Variants in DLEC1 observed in about 807,000 individuals in gnomAD.
DLEC1 encodes deleted in lung and esophageal cancer protein 1.
DLEC1 carries 146 observed loss-of-function variants against 198.1 expected under a neutral mutation model. The ratio of observed to expected loss-of-function variants is 0.74; its 90% CI spans 0.64 to 0.85. DLEC1 has a LOEUF of 0.85. DLEC1 is among the 40% of genes least tolerant of loss of function. The probability of loss-of-function intolerance (pLI) is 0.00; values close to 1 mark genes in which losing one functional copy is unlikely to be tolerated. For missense variants in DLEC1, 2,233 were observed against 2,220.0 expected, an observed-to-expected ratio of 1.01 and a Z score of -0.12; for synonymous variants, 897 against 866.8, an observed-to-expected ratio of 1.03 and a Z score of -0.61.
At position 38,062,200 on chromosome 3, in the gene DLEC1, A is replaced by G. The variant is rs1277374923; in HGVS notation, c.705A>G (p.Thr235=). The G allele has an allele frequency of 6.2e-7, 1 of 1,614,238 alleles. No individual in the cohort carries two copies. Residue 235 remains threonine, a synonymous_variant, in exon 4 of 37, where the codon ACA becomes ACG. Coordinates refer to ENST00000308059, the MANE Select transcript of DLEC1 (RefSeq NM_007335.4). Reference sequence around the variant, plus strand: ...CCCTACCTGGATGTTCAAAACTGACATTTAGCTGTGAGAAGCGTTCCGTCC... The same window carrying G: ...CCCTACCTGGATGTTCAAAACTGACGTTTAGCTGTGAGAAGCGTTCCGTCC... ...GISLPGCSKL[T]FSCEKRSVQK...
chr3:38,122,847 T>G lies in DLEC1; in HGVS notation c.*435T>G. 1.3e-6 allele frequency: 1 copy of G among 799,376 alleles called. No individual in the cohort carries two copies. Among genetic ancestry groups the G allele is most frequent in the Non-Finnish European group, 1.9e-6 (1 of 519,634 alleles). 49.5% of individuals were successfully genotyped at this position (799,376 alleles called of 1,614,324 possible). A position where few individuals can be genotyped will look rare whatever the true frequency, so the allele number is the denominator to read the frequency against. On this transcript the variant is annotated 3_prime_UTR_variant, in exon 37 of 37. Coordinates refer to ENST00000308059, the MANE Select transcript of DLEC1 (RefSeq NM_007335.4). Reference sequence around the variant, plus strand: ...TCTTGCACAGCTAAAGAGGGTCTGATGGGTGGCTCAACACCCCACCCACTC... The same window carrying G: ...TCTTGCACAGCTAAAGAGGGTCTGAGGGGTGGCTCAACACCCCACCCACTC...
chr3:38,070,693 G>A (rs920517521), intron 6 of DLEC1, among the ~76,000 whole-genome samples: 2 of 152,204 alleles, frequency 1.3e-5, no homozygotes, highest in Non-Finnish European at 2.9e-5. Context: ...GCAGGAGTGG[G>A]AGTCGCAAGG....
intron 2 of DLEC1, among the ~76,000 whole-genome samples, chr3:38,046,943 G>A (rs908134962): frequency 6.6e-6 from 1 of 152,142 alleles, no homozygotes; most frequent in African/African-American, 2.4e-5. Flanking sequence ...GATGGGGATG[G>A]TTCTGTCTGA....
intron 2 of DLEC1, among the ~76,000 whole-genome samples, chr3:38,054,847 C>T (rs117426461): frequency 3.3e-5 from 5 of 152,260 alleles, no homozygotes; most frequent in East Asian, 3.9e-4. Flanking sequence ...AAAGCCACCA[C>T]GAGTAAGTCA....
chr3:38,064,783 C>T (rs546252068), intron 6 of DLEC1, among the ~76,000 whole-genome samples: 23 of 151,558 alleles, frequency 1.5e-4, no homozygotes, highest in Admixed American at 2.6e-4. Flanking sequence ...AGACGATGGG[C>T]GGCCGGGCAG....
At chr3:38,051,715 G>T in intron 2 of DLEC1, 2 of 201,358 alleles carry the variant, frequency 9.9e-6, no homozygotes, top group South Asian at 2.2e-4. Flanking sequence ...TAAAGGTCAT[G>T]AACCAGGGTT....
intron 1 of DLEC1, among the ~76,000 whole-genome samples, chr3:38,040,953 C>T (rs1177296167): frequency 6.6e-6 from 1 of 152,036 alleles, no homozygotes; most frequent in Non-Finnish European, 1.5e-5. Context: ...GATCCTCCCT[C>T]CTCAGCATCT....
chr3:38,059,877 C>T, intron 3 of DLEC1, 25 bp downstream of exon 3: 4 of 1,601,714 alleles, frequency 2.5e-6, no homozygotes, highest in Non-Finnish European at 3.4e-6. Context: ...CTCTCAAGGC[C>T]TCTGATACCA....
chr3:38,055,724 G>A (rs938813332), intron 2 of DLEC1, among the ~76,000 whole-genome samples: 4 of 152,206 alleles, frequency 2.6e-5, no homozygotes, highest in East Asian at 1.9e-4. Flanking sequence ...GGAAAGCAAC[G>A]TGGACTCTAA....
intron 19 of DLEC1, among the ~76,000 whole-genome samples, chr3:38,106,901 A>G (rs1034870800): frequency 1.3e-5 from 2 of 152,188 alleles, no homozygotes; most frequent in Non-Finnish European, 2.9e-5. Context: ...TCAGACATGT[A>G]AAGAGCTTGC....
At chr3:38,042,749 G>T (rs3792518) in intron 1 of DLEC1, among the ~76,000 whole-genome samples, 48,323 of 151,782 alleles carry the variant, frequency 0.32, 7,967 homozygotes, top group East Asian at 0.55. Flanking sequence ...TAAAGACAGG[G>T]TTTCACTATG....
intron 6 of DLEC1, among the ~76,000 whole-genome samples, chr3:38,069,048 A>T (rs1351187611): frequency 6.6e-6 from 1 of 152,214 alleles, no homozygotes; most frequent in African/African-American, 2.4e-5. Flanking sequence ...GAACAAAAGT[A>T]GTATACTATT....
chr3:38,096,316 G>A (rs960854949), intron 14 of DLEC1, among the ~76,000 whole-genome samples: 1 of 152,182 alleles, frequency 6.6e-6, no homozygotes, highest in African/African-American at 2.4e-5. Context: ...ATCCCAGGCT[G>A]GAGGGCTGCA....
In DLEC1 at chr3:38,093,671, GAGAGCTCACAGACTTAAC is replaced by G; in HGVS notation, c.1826_1843del (p.Glu609_Thr614del). On this transcript the variant is annotated inframe_deletion, in exon 12 of 37. Transcript: ENST00000308059. ...GGTGAAAAAAGCCAGCCAGACCCTGGAGAGCTCACAGACTTAACAGCCCAGCACTTCATACGATTTGAG... is the reference window on the plus strand; with the variant it reads ...GGTGAAAAAAGCCAGCCAGACCCTGGAGCCCAGCACTTCATACGATTTGAG... 1 of 1,614,240 alleles carries G rather than the reference GAGAGCTCACAGACTTAAC, an allele frequency of 6.2e-7. No individual in the cohort carries two copies.
intron 6 of DLEC1, among the ~76,000 whole-genome samples, chr3:38,066,026 T>C (rs1316238466): frequency 1.3e-5 from 2 of 152,256 alleles, no homozygotes; most frequent in Non-Finnish European, 2.9e-5. Context: ...AGAGATTTGA[T>C]GAGATTCAAG....
intron 2 of DLEC1, among the ~76,000 whole-genome samples, chr3:38,057,703 G>A (rs148030526): frequency 1.2e-4 from 19 of 152,290 alleles, no homozygotes; most frequent in African/African-American, 4.6e-4. Flanking sequence ...ACTCTAGTGA[G>A]TGATTTCCCC....
rs1258950881 is a variant in DLEC1 at position 38,114,463 on chromosome 3, G to A, written c.3785+3G>A. 3 of 1,613,690 alleles carry A rather than the reference G, an allele frequency of 1.9e-6. No individual in the cohort carries two copies. The highest frequency in any genetic ancestry group is 2.2e-5 in the South Asian group (2 of 91,066). On this transcript the variant is annotated splice_donor_region_variant and intron_variant, in intron 26 of 36. Coordinates refer to ENST00000308059, the MANE Select transcript of DLEC1 (RefSeq NM_007335.4). ...GCCCAGAAGGAACCAGCCATGAGGT[G>A]CTCCATGCTCAGCCTGAGCCTCTGC... is the stretch of plus-strand genomic sequence containing the variant.
At position 38,095,081 on chromosome 3, in the gene DLEC1, G is replaced by A. The variant is rs1472147292; in HGVS notation, c.2112+10G>A. 1.7e-5 allele frequency: 27 copies of A among 1,613,606 alleles called. No homozygotes were observed. Among genetic ancestry groups the A allele is most frequent in the African/African-American group, 4.0e-5 (3 of 74,930 alleles). The stretch of plus-strand genomic sequence containing the variant: ...CTTTTCTCCTCATGAGGTTCAGATG[G>A]TGTCATCTCAGTAGCCACACATGGT... On this transcript the variant is annotated intron_variant, in intron 13 of 36. Coordinates refer to ENST00000308059, the MANE Select transcript of DLEC1 (RefSeq NM_007335.4).
chr3:38,060,777 C>T (rs755734775), intron 3 of DLEC1, among the ~76,000 whole-genome samples: 1 of 152,092 alleles, frequency 6.6e-6, no homozygotes, highest in Non-Finnish European at 1.5e-5. Context: ...TCACCACAAC[C>T]TCCATCTCCC....
Sources: gnomAD v4.1 joint callset for allele counts (sites outside exome capture counted in the v4.1 genomes callset) on GRCh38, gnomAD v4.1.1 for gene constraint, MANE v1.5 for transcripts, NCBI Gene and HGNC (gene_info 2026-07-23, HGNC 2026-07-21) for gene names.